TBC1D15: variants seen among roughly 807,000 people sequenced by gnomAD.
TBC1D15 encodes TBC1 domain family member 15, also known as GAP for RAB7.
In TBC1D15, 39 loss-of-function variants were observed where a neutral mutation model predicts 95.4. The ratio of observed to expected loss-of-function variants is 0.41; its 90% confidence interval spans 0.32 to 0.53. The LOEUF is 0.53. Among genes scored for constraint, TBC1D15 ranks in the 20% least tolerant of loss-of-function variants. The pLI, the probability that TBC1D15 is intolerant of heterozygous loss-of-function variation, is 0.29. For missense variants in TBC1D15, 733 were observed against 794.3 expected (o/e 0.92, Z 0.93); for synonymous variants, 258 against 261.3 (o/e 0.99, Z 0.12).
intron 5 of TBC1D15, 89 bp from the exon 6 acceptor site, chr12:71,893,133 T>G: frequency 1.5e-6 from 1 of 659,582 alleles, no homozygotes; most frequent in Non-Finnish European, 2.2e-6. Flanking sequence ...TTTTTTTTTT[T>G]TGGTAAGGAA....
intron 1 of TBC1D15, among the ~76,000 whole-genome samples, chr12:71,844,040 T>G (rs1325956733): frequency 1.3e-5 from 2 of 152,228 alleles, no homozygotes; most frequent in Non-Finnish European, 2.9e-5. Context: ...AGTTTTGTCC[T>G]TGACTGTTCT....
At chr12:71,905,352 G>C (rs915493737) in intron 10 of TBC1D15, among the ~76,000 whole-genome samples, 2 of 152,062 alleles carry the variant, frequency 1.3e-5, no homozygotes, top group African/African-American at 2.4e-5. Context: ...TTGAGTCGGG[G>C]TCTCACTGTG....
chr12:71,870,691 A>C (rs984471697), intron 1 of TBC1D15, among the ~76,000 whole-genome samples: 2 of 152,212 alleles, frequency 1.3e-5, no homozygotes, highest in African/African-American at 4.8e-5. Context: ...TCATTTGGGC[A>C]GTTATTTCAC....
chr12:71,894,498 A>G, intron 6 of TBC1D15, 188 bp from the exon 7 acceptor site: 6 of 1,238,476 alleles, frequency 4.8e-6, no homozygotes, highest in Admixed American at 2.3e-5. Flanking sequence ...ACCAAATGAA[A>G]TGATTGGCTT....
chr12:71,906,804 T>A (rs1900830487), intron 10 of TBC1D15, among the ~76,000 whole-genome samples: 1 of 152,212 alleles, frequency 6.6e-6, no homozygotes, highest in Non-Finnish European at 1.5e-5. Flanking sequence ...AAAAATATTT[T>A]AAAATCTGCC....
chr12:71,891,858 C>T (rs1368453579), intron 5 of TBC1D15, among the ~76,000 whole-genome samples: 3 of 152,006 alleles, frequency 2.0e-5, no homozygotes, highest in African/African-American at 2.4e-5. Context: ...CTGAAAGTTG[C>T]CTATTTGTTC....
intron 10 of TBC1D15, among the ~76,000 whole-genome samples, chr12:71,899,761 GCAT>G: frequency 1.3e-5 from 2 of 152,208 alleles, no homozygotes; most frequent in South Asian, 4.1e-4. Context: ...TTAGTGGAAA[GCAT>G]AAGTTCAGGC....
In TBC1D15 at chr12:71,894,724, ATT is replaced by A; in HGVS notation, c.699_700del (p.Ser234GlnfsTer8). The A allele has an allele frequency of 6.2e-7, 1 of 1,613,088 alleles. No individual in the cohort carries two copies. The highest frequency in any genetic ancestry group is 2.2e-5 in the East Asian group (1 of 44,830). On this transcript the variant is annotated frameshift_variant, in exon 7 of 17. Coordinates refer to ENST00000485960, the MANE Select transcript of TBC1D15 (RefSeq NM_001146213.3). LOFTEE classifies it high-confidence loss of function. ...ACCCTTATACGGCAACTATGATAGG[ATT>A]TTCCAAAGTCACAAACTACATTTTT... ...KDPYTATMIGFSKVTNYIFDS... is the reference protein window; with the variant it reads ...KDPYTATMIGXSKVTNYIFDS...
At chr12:71,914,660 C>T (rs1903246841) in intron 12 of TBC1D15, among the ~76,000 whole-genome samples, 1 of 151,812 alleles carries the variant, frequency 6.6e-6, no homozygotes, top group South Asian at 2.1e-4. Context: ...TGTGTTTTTT[C>T]AAAATAACAC....
chr12:71,916,348 C>T lies in TBC1D15; in HGVS notation c.1402-1350C>T, dbSNP rs78249433. Among the ~76,000 whole-genome samples, 46 of 152,206 alleles carry T rather than the reference C, an allele frequency of 3.0e-4. No homozygotes were observed. In the East Asian group the frequency reaches 8.7e-3, roughly 29 times the overall value. ...AATGTCTATGCCATGTTGGTATTCC[C>T]AGATCAGCTCTAGTCTTTGACTGTG... On this transcript the variant is annotated intron_variant, in intron 12 of 16. Coordinates refer to ENST00000485960, the MANE Select transcript of TBC1D15 (RefSeq NM_001146213.3).
intron 11 of TBC1D15, among the ~76,000 whole-genome samples, chr12:71,908,946 A>G (rs1340734020): frequency 6.6e-6 from 1 of 152,106 alleles, no homozygotes; most frequent in African/African-American, 2.4e-5. Flanking sequence ...CTTGCCATTT[A>G]TTTTAGTTTC....
chr12:71,913,808 TTTTTC>T lies in TBC1D15; in HGVS notation c.1301-8_1301-4del, dbSNP rs761585087. 2.3e-5 allele frequency: 35 copies of T among 1,547,306 alleles called. No homozygotes were observed. Among genetic ancestry groups the T allele is most frequent in the Non-Finnish European group, 3.0e-5 (34 of 1,150,076 alleles). ...TAAAACTTGGGTTTTCAGAGATGAT[TTTTTC>T]TTTTCTTTTTAGGATATGTTCAAGG... On this transcript the variant is annotated splice_polypyrimidine_tract_variant and intron_variant, in intron 11 of 16. Coordinates refer to ENST00000485960, the MANE Select transcript of TBC1D15 (RefSeq NM_001146213.3).
chr12:71,852,772 G>A (rs891780456), intron 1 of TBC1D15, among the ~76,000 whole-genome samples: 2 of 152,130 alleles, frequency 1.3e-5, no homozygotes, highest in African/African-American at 4.8e-5. Context: ...CTTCCCAGTA[G>A]TTCCTCATTT....
rs75347629 is a variant in TBC1D15, at chr12:71,839,809, A to G, written c.28A>G (p.Lys10Glu). The G allele has an allele frequency of 2.3e-5, 37 of 1,613,958 alleles. No homozygotes were observed. Among genetic ancestry groups the G allele is most frequent in the Non-Finnish European group, 3.1e-5 (37 of 1,179,966 alleles). MAAAGVVSG[K>E]IIYEQEGVYI... ...GGCGGCGGCGGGTGTTGTGAGCGGG[A>G]AGGTAGGTAACGGCCTCCAGGAAGA... Residue 10 changes from lysine (K) to glutamate (E), a missense_variant and splice_region_variant, in exon 1 of 17, where the codon AAG (lysine) becomes GAG (glutamate). Coordinates refer to ENST00000485960, the MANE Select transcript of TBC1D15 (RefSeq NM_001146213.3).
intron 1 of TBC1D15, among the ~76,000 whole-genome samples, chr12:71,869,523 AAAAACAAAACAAAAC>A (rs200957061): frequency 1.3e-5 from 2 of 152,100 alleles, no homozygotes; most frequent in African/African-American, 4.8e-5. Context: ...ACTGTGTCTC[AAAAACAAAACAAAAC>A]AAAACAAAAC....
rs971088931 is a variant in TBC1D15 at position 71,924,205 on chromosome 12, C to G, written c.*1001C>G. 6.6e-6 allele frequency: 1 copy of G among 152,382 alleles called. No homozygotes were observed. The highest frequency in any genetic ancestry group is 2.4e-5 in the African/African-American group (1 of 41,372). The allele number at this position is 152,382 out of a possible 1,614,324, so 9.4% of individuals were successfully genotyped here. The stretch of plus-strand genomic sequence containing the variant: ...GTATGAACAAAGCTGTTGTTTTTAC[C>G]ATGCAGTATTGCATGATTTTAAGTT... On this transcript the variant is annotated 3_prime_UTR_variant, in exon 17 of 17. Transcript: ENST00000485960.
At chr12:71,896,217 CTG>C in intron 8 of TBC1D15, 142 bp downstream of exon 8, 2 of 705,866 alleles carry the variant, frequency 2.8e-6, no homozygotes, top group Non-Finnish European at 4.4e-6. Context: ...GGAATGAACT[CTG>C]TTATTTCTTT....
chr12:71,882,322 A>C (rs1895362013), intron 4 of TBC1D15, among the ~76,000 whole-genome samples: 1 of 152,160 alleles, frequency 6.6e-6, no homozygotes, highest in South Asian at 2.1e-4. Context: ...CCTTCCAAGA[A>C]CATCAGACTG....
At chr12:71,860,301 T>C (rs1164182685) in intron 1 of TBC1D15, among the ~76,000 whole-genome samples, 2 of 152,196 alleles carry the variant, frequency 1.3e-5, no homozygotes, top group Non-Finnish European at 2.9e-5. Flanking sequence ...TTGTCATTGG[T>C]ATTTTGATAG....
Sources: gnomAD v4.1 joint callset for allele counts (sites outside exome capture counted in the v4.1 genomes callset) on GRCh38, gnomAD v4.1.1 for gene constraint, MANE v1.5 for transcripts, NCBI Gene and HGNC (gene_info 2026-07-23, HGNC 2026-07-21) for gene names.